The following ECT2L variants were observed in gnomAD, a reference collection of about 807,000 sequenced individuals.
ECT2L encodes epithelial cell-transforming sequence 2 oncogene-like.
In ECT2L, 126 loss-of-function variants were observed where a neutral mutation model predicts 122.8. The ratio of observed to expected loss-of-function variants is 1.03; its 90% CI spans 0.89 to 1.19. The LOEUF (loss-of-function observed/expected upper bound fraction) is 1.19. Among genes scored for constraint, ECT2L ranks in the 50% most tolerant of loss-of-function variants. ECT2L has a pLI of 0.00. For missense variants in ECT2L, 1,012 were observed against 1,064.1 expected (o/e 0.95, Z 0.68); for synonymous variants, 385 against 381.8 (o/e 1.01, Z -0.10).
Position 138,901,136 on chromosome 6 carries a change from C to G in ECT2L, c.2587+16C>G, listed in dbSNP as rs374118636. 2.0e-5 allele frequency: 32 copies of G among 1,611,258 alleles called. No individual in the cohort carries two copies. In the East Asian group the frequency reaches 2.9e-4, roughly 15 times the overall value. ...GATTCCAAGTGTATGTATTCTTTTC[C>G]TTCCAAGAGACAGATACCTTCAAAA... On this transcript the variant is annotated intron_variant, in intron 21 of 21. Transcript: ENST00000541398.
chr6:138,808,296 G>A (rs1003960277), intron 1 of ECT2L, among the ~76,000 whole-genome samples: 2 of 152,104 alleles, frequency 1.3e-5, no homozygotes, highest in East Asian at 1.9e-4. Context: ...CCAGGCTGGA[G>A]TGCAGGGACA....
chr6:138,797,508 AC>A (rs1775385095), intron 1 of ECT2L, among the ~76,000 whole-genome samples: 1 of 152,188 alleles, frequency 6.6e-6, no homozygotes, highest in African/African-American at 2.4e-5. Context: ...CAGCTGTATA[AC>A]AGATAACCTG....
chr6:138,864,589 G>A (rs1289449225), intron 11 of ECT2L, among the ~76,000 whole-genome samples: 1 of 152,218 alleles, frequency 6.6e-6, no homozygotes, highest in Non-Finnish European at 1.5e-5. Context: ...CATTGGCGAT[G>A]ACAGGGTTGA....
intron 4 of ECT2L, among the ~76,000 whole-genome samples, 180 bp from the exon 5 acceptor site, chr6:138,838,172 G>C (rs1018051607): frequency 2.0e-5 from 3 of 152,116 alleles, no homozygotes; most frequent in Admixed American, 6.5e-5. Context: ...AAAGTGCCAG[G>C]ATTACAAGCA....
At chr6:138,884,547 A>G (rs567121220) in intron 16 of ECT2L, among the ~76,000 whole-genome samples, 31 of 152,212 alleles carry the variant, frequency 2.0e-4, no homozygotes, top group Middle Eastern at 3.4e-3. Flanking sequence ...CTGAGGCAGG[A>G]GAATCGCTTG....
intron 9 of ECT2L, among the ~76,000 whole-genome samples, chr6:138,850,994 C>CAAAAAAAAAAAAAAAAAAAAAAAA: frequency 1.7e-5 from 1 of 57,780 alleles, no homozygotes; most frequent in South Asian, 1.0e-3. Flanking sequence ...AACTCCATCT[C>CAAAAAAAAAAAAAAAAAAAAAAAA]AAAAAAAAAA....
intron 4 of ECT2L, among the ~76,000 whole-genome samples, chr6:138,820,057 C>A (rs116538719): frequency 0.016 from 2,428 of 152,280 alleles, 70 homozygotes; most frequent in African/African-American, 0.055. Context: ...ACTGGCCCAG[C>A]CAAGCCATTC....
At chr6:138,809,515 TTC>T (rs770853848) in intron 1 of ECT2L, among the ~76,000 whole-genome samples, 11 of 152,340 alleles carry the variant, frequency 7.2e-5, no homozygotes, top group African/African-American at 1.4e-4. Flanking sequence ...TCATATAATT[TTC>T]TCTTTTTTTT....
At chr6:138,838,926 C>CAT (rs1776941399) in intron 5 of ECT2L, among the ~76,000 whole-genome samples, 1 of 152,078 alleles carries the variant, frequency 6.6e-6, no homozygotes, top group Non-Finnish European at 1.5e-5. Flanking sequence ...GGATTACAGG[C>CAT]GCGTGCCACC....
chr6:138,835,602 T>C (rs1776808197), intron 4 of ECT2L, among the ~76,000 whole-genome samples: 1 of 152,010 alleles, frequency 6.6e-6, no homozygotes, highest in Admixed American at 6.6e-5. Context: ...ATTTTACCAT[T>C]TTTGCCTTAT....
Position 138,886,848 on chromosome 6 carries a change from T to G in ECT2L, c.2260-9T>G, listed in dbSNP as rs191933079. The G allele has an allele frequency of 1.2e-6, 2 of 1,611,208 alleles. No homozygotes were observed. The highest frequency in any genetic ancestry group is 1.7e-6 in the Non-Finnish European group (2 of 1,178,194). ...TTTAGTTTGCCTAAAAGTACTTTTT[T>G]TCCCCTAGATGAAGCAAAACATCAC... On this transcript the variant is annotated splice_polypyrimidine_tract_variant and intron_variant, in intron 18 of 21. Transcript: ENST00000541398.
intron 21 of ECT2L, among the ~76,000 whole-genome samples, chr6:138,901,393 T>C (rs1166006482): frequency 6.6e-6 from 1 of 152,248 alleles, no homozygotes; most frequent in Non-Finnish European, 1.5e-5. Flanking sequence ...TTTCCGTTCT[T>C]TGAAGCAGTG....
chr6:138,834,041 C>CTTCTTATCAGAAA (rs1381884822), intron 4 of ECT2L, among the ~76,000 whole-genome samples: 1 of 152,168 alleles, frequency 6.6e-6, no homozygotes, highest in Non-Finnish European at 1.5e-5. Flanking sequence ...GCAGCTTCTA[C>CTTCTTATCAGAAA]TTCTTATCAG....
In ECT2L at chr6:138,882,830, T is replaced by G. The variant is rs772980603; in HGVS notation, c.1987T>G (p.Phe663Val). 6.2e-7 allele frequency: 1 copy of G among 1,614,196 alleles called. No individual in the cohort carries two copies. The highest frequency in any genetic ancestry group is 8.5e-7 in the Non-Finnish European group (1 of 1,180,016). Residue 663 changes from phenylalanine (F) to valine (V), a missense_variant, in exon 16 of 22, where the codon TTC becomes GTC. By Grantham distance (50) the Phe-to-Val change is conservative (BLOSUM62 -1). Transcript: ENST00000541398. ...FGSQLNTYTN[F>V]FNNYPVILKT... ...AAGCCAGTTAAACACATATACCAAT[T>G]TCTTCAACAATTACCCTGTCATTCT...
intron 20 of ECT2L, among the ~76,000 whole-genome samples, chr6:138,890,072 G>A (rs939876722): frequency 5.3e-5 from 8 of 152,048 alleles, no homozygotes; most frequent in Admixed American, 1.3e-4. Context: ...AACAGGTGTG[G>A]GCCATAGTGT....
At chr6:138,896,524 G>C (rs1779219192) in intron 20 of ECT2L, among the ~76,000 whole-genome samples, 2 of 152,190 alleles carry the variant, frequency 1.3e-5, no homozygotes, top group African/African-American at 4.8e-5. Context: ...GTCCAGAATT[G>C]ACTCATTTTG....
chr6:138,828,710 G>A (rs1040570283), intron 4 of ECT2L, among the ~76,000 whole-genome samples: 6 of 152,116 alleles, frequency 3.9e-5, no homozygotes, highest in African/African-American at 9.7e-5. Context: ...CTTTCCCGAG[G>A]TAGAGTTCAT....
chr6:138,870,523 AT>A (rs764413913), intron 13 of ECT2L, among the ~76,000 whole-genome samples: 1 of 152,132 alleles, frequency 6.6e-6, no homozygotes, highest in Non-Finnish European at 1.5e-5. Flanking sequence ...GCTTAAAAGC[AT>A]AAACTGCAAC....
At chr6:138,809,590 G>T (rs1446199168) in intron 1 of ECT2L, among the ~76,000 whole-genome samples, 1 of 152,054 alleles carries the variant, frequency 6.6e-6, no homozygotes, top group African/African-American at 2.4e-5. Flanking sequence ...CAACTTGCTG[G>T]TGATATATGA....
Sources: gnomAD v4.1 joint callset for allele counts (sites outside exome capture counted in the v4.1 genomes callset) on GRCh38, gnomAD v4.1.1 for gene constraint, MANE v1.5 for transcripts, NCBI Gene and HGNC (gene_info 2026-07-23, HGNC 2026-07-21) for gene names.